The following SEMA4D variants were observed in gnomAD, a reference collection of about 807,000 sequenced individuals.
SEMA4D encodes the protein semaphorin 4D, also known as semaphorin-4D.
In SEMA4D, 22 loss-of-function variants were observed where a neutral mutation model predicts 74.8. That is an observed-to-expected ratio of 0.29 (90% confidence interval 0.21 to 0.42). The LOEUF (loss-of-function observed/expected upper bound fraction) is 0.42. SEMA4D is among the 10% of genes least tolerant of loss of function. The pLI is 1.00. For synonymous variants in SEMA4D, 445 were observed against 463.7 expected, an observed-to-expected ratio of 0.96 and a Z score of 0.52; for missense variants, 937 against 1,118.4, an observed-to-expected ratio of 0.84 and a Z score of 2.31.
chr9:89,434,452 TAGTC>T (rs1270003334), intron 2 of SEMA4D, among the ~76,000 whole-genome samples: 3 of 152,226 alleles, frequency 2.0e-5, no homozygotes, highest in African/African-American at 7.2e-5. Flanking sequence ...GTAAAAATGT[TAGTC>T]TGTCTTTTCT....
chr9:89,405,821 A>G, intron 2 of SEMA4D, 122 bp from the exon 3 acceptor site: 1 of 1,293,864 alleles, frequency 7.7e-7, no homozygotes, highest in South Asian at 2.8e-5. Flanking sequence ...AGGAATACGG[A>G]AGGCAGCGGG....
chr9:89,488,421 G>A (rs1414141075), intron 1 of SEMA4D, among the ~76,000 whole-genome samples: 7 of 130,968 alleles, frequency 5.3e-5, no homozygotes, highest in Non-Finnish European at 1.1e-4. Context: ...TGGAGTGGCT[G>A]GAGTGCAATG....
At position 89,405,698 on chromosome 9, in the gene SEMA4D, T is replaced by C; in HGVS notation, c.-242A>G. 7.1e-7 allele frequency: 1 copy of C among 1,403,116 alleles called. No homozygotes were observed. Among genetic ancestry groups the C allele is most frequent in the African/African-American group, 1.4e-5 (1 of 69,192 alleles). 86.9% of individuals were successfully genotyped at this position (1,403,116 alleles called of 1,614,324 possible). A position where few individuals can be genotyped will look rare whatever the true frequency, so the allele number is the denominator to read the frequency against. On this transcript the variant is annotated splice_region_variant and 5_prime_UTR_variant, in exon 3 of 16. Coordinates refer to ENST00000422704, the MANE Select transcript of SEMA4D (RefSeq NM_001371194.2). ...TACTTCTTCAGGGCCTCAGAAGAAA[T>C]GCTGGAAGGACATGAGAAAGAAAAG...
chr9:89,438,735 G>A (rs565946810), intron 2 of SEMA4D, among the ~76,000 whole-genome samples: 6 of 143,082 alleles, frequency 4.2e-5, no homozygotes, highest in Non-Finnish European at 6.1e-5. Flanking sequence ...GCGCAATCTC[G>A]GCTCACTGCA....
At chr9:89,432,156 C>T (rs569551221) in intron 2 of SEMA4D, among the ~76,000 whole-genome samples, 12 of 152,346 alleles carry the variant, frequency 7.9e-5, no homozygotes, top group African/African-American at 2.6e-4. Flanking sequence ...AACCCTCTGC[C>T]CCTTGGCTTC....
chr9:89,432,478 A>T (rs1849486480), intron 2 of SEMA4D, among the ~76,000 whole-genome samples: 1 of 152,066 alleles, frequency 6.6e-6, no homozygotes, highest in African/African-American at 2.4e-5. Context: ...GCAGCAATAA[A>T]ACCACTGGCT....
intron 2 of SEMA4D, among the ~76,000 whole-genome samples, chr9:89,425,179 T>C (rs1847840625): frequency 6.6e-6 from 1 of 152,120 alleles, no homozygotes; most frequent in South Asian, 2.1e-4. Flanking sequence ...ATCCACCAGA[T>C]TTCCTGCCTT....
downstream of SEMA4D, chr9:89,376,808 A>AG: frequency 6.5e-7 from 1 of 1,538,602 alleles, no homozygotes. Flanking sequence ...GACAGGGCAC[A>AG]GGGGACAGAG....
chr9:89,370,104 G>A (rs1481885818), intron 16 of SEMA4D, among the ~76,000 whole-genome samples: 3 of 151,598 alleles, frequency 2.0e-5, no homozygotes, highest in South Asian at 2.1e-4. Flanking sequence ...TTAGGTGTGT[G>A]TACAGTGTGT....
chr9:89,462,800 TG>T (rs1323020262), intron 1 of SEMA4D, among the ~76,000 whole-genome samples: 1 of 149,770 alleles, frequency 6.7e-6, no homozygotes, highest in African/African-American at 2.5e-5. Context: ...AACAATTAGC[TG>T]GGTGTGGTGA....
At chr9:89,449,719 C>T in intron 2 of SEMA4D, 1 of 1,515,102 alleles carries the variant, frequency 6.6e-7, no homozygotes, top group Non-Finnish European at 9.1e-7. Context: ...AAAGGTGATG[C>T]CGTGATTATG....
chr9:89,414,899 C>T (rs1564691581), intron 2 of SEMA4D, among the ~76,000 whole-genome samples: 3 of 152,222 alleles, frequency 2.0e-5, no homozygotes, highest in Non-Finnish European at 4.4e-5. Context: ...TAACCCTCAC[C>T]CACTTCCCAA....
chr9:89,437,859 T>A (rs1850798560), intron 2 of SEMA4D, among the ~76,000 whole-genome samples: 1 of 152,230 alleles, frequency 6.6e-6, no homozygotes, highest in Admixed American at 6.5e-5. Context: ...GACAGGGACA[T>A]GCTTGAACCC....
At chr9:89,372,590 T>C (rs1180676272), downstream of SEMA4D, among the ~76,000 whole-genome samples, 1 of 151,916 alleles carries the variant, frequency 6.6e-6, no homozygotes, top group African/African-American at 2.4e-5. Flanking sequence ...GTCCCTCCTG[T>C]GCGGCCACAG....
chr9:89,481,112 G>A (rs1228538155), intron 1 of SEMA4D, among the ~76,000 whole-genome samples: 1 of 152,264 alleles, frequency 6.6e-6, no homozygotes, highest in Admixed American at 6.5e-5. Flanking sequence ...TGCTCTCCGA[G>A]GGGTAGATGG....
Position 89,412,463 on chromosome 9 carries a change from G to A in SEMA4D, c.-243-6764C>T, listed in dbSNP as rs139402615. ...CTGTCAGGACTGGTGCTGTTTATGC[G>A]GTTACTCAAACTGGTTATGTTGAAA... On this transcript the variant is annotated intron_variant, in intron 2 of 15. Coordinates refer to ENST00000422704, the MANE Select transcript of SEMA4D (RefSeq NM_001371194.2). Among the ~76,000 whole-genome samples, 9 of 152,236 alleles carry A rather than the reference G, an allele frequency of 5.9e-5. No individual in the cohort carries two copies. In the East Asian group the frequency reaches 9.6e-4, roughly 16 times the overall value.
At chr9:89,470,824 T>G (rs1028089018) in intron 1 of SEMA4D, among the ~76,000 whole-genome samples, 2 of 152,232 alleles carry the variant, frequency 1.3e-5, no homozygotes, top group African/African-American at 4.8e-5. Flanking sequence ...GTGGTTCCAT[T>G]ATATGACATT....
At chr9:89,362,216 G>A in exon 19 of SEMA4D, 1 of 941,332 alleles carries the variant, frequency 1.1e-6, no homozygotes, top group Non-Finnish European at 1.6e-6. Flanking sequence ...GCCCACTTGG[G>A]TTCCAGGCTT....
At position 89,470,110 on chromosome 9, in the gene SEMA4D, A is replaced by G. The variant is rs184412586; in HGVS notation, c.-309-14157T>C. Among the ~76,000 whole-genome samples, 278 of 152,370 alleles carry G rather than the reference A, an allele frequency of 1.8e-3. 1 individual carries two copies. The highest frequency in any genetic ancestry group is 6.4e-3 in the African/African-American group (266 of 41,582). On this transcript the variant is annotated intron_variant, in intron 1 of 15. Transcript: ENST00000422704. ...AAGTGGTCATATTTCTATGGATTCT[A>G]TCAACATTTGGGAAATTGATAAAGT...
Sources: gnomAD v4.1 joint callset for allele counts (sites outside exome capture counted in the v4.1 genomes callset) on GRCh38, gnomAD v4.1.1 for gene constraint, MANE v1.5 for transcripts, NCBI Gene and HGNC (gene_info 2026-07-23, HGNC 2026-07-21) for gene names.